Variants in AKR1C1 observed in about 807,000 individuals in gnomAD.
AKR1C1 encodes the protein aldo-keto reductase family 1 member C1.
Under a neutral mutation model 40.6 loss-of-function variants are expected in AKR1C1, and 32 were observed. The ratio of observed to expected loss-of-function variants is 0.79; its 90% confidence interval spans 0.60 to 1.06. The LOEUF (loss-of-function observed/expected upper bound fraction) is 1.06. AKR1C1 is among the 50% of genes least tolerant of loss of function. The probability of loss-of-function intolerance (pLI) is 0.00; values close to 1 mark genes in which losing one functional copy is unlikely to be tolerated. For missense variants in AKR1C1, 320 were observed against 363.5 expected (o/e 0.88, Z 0.97); for synonymous variants, 105 against 134.2 (o/e 0.78, Z 1.50).
rs201114964 is a variant in AKR1C1 at position 4,966,025 on chromosome 10, C to T, written c.196C>T (p.Arg66Ter). Residue 66 changes from arginine (R) to a stop codon, truncating the protein, a stop_gained, in exon 2 of 9, where the codon CGA becomes TGA. Transcript: ENST00000380872. LOFTEE classifies it high-confidence loss of function. ...NNEEQVGLAI[R>*]SKIADGSVKR... ...TGAGGAGCAGGTTGGACTGGCCATCCGAAGCAAGATTGCAGATGGCAGTGT... is the reference window on the plus strand; with the variant it reads ...TGAGGAGCAGGTTGGACTGGCCATCTGAAGCAAGATTGCAGATGGCAGTGT... 1.1e-4 allele frequency: 179 copies of T among 1,614,136 alleles called. No homozygotes were observed. The highest frequency in any genetic ancestry group is 7.4e-4 in the South Asian group (67 of 91,070).
At chr10:4,965,583 C>T (rs1836316234) in intron 1 of AKR1C1, 1 of 180,352 alleles carries the variant, frequency 5.5e-6, no homozygotes, top group Admixed American at 6.0e-5. Flanking sequence ...GTTAATTTTA[C>T]CATACTAAAA....
At position 4,979,711 on chromosome 10, in the gene AKR1C1, T is replaced by A. The variant is rs1212028694; in HGVS notation, c.*1969T>A. On this transcript the variant is annotated 3_prime_UTR_variant, in exon 9 of 9. Coordinates refer to ENST00000380872, the MANE Select transcript of AKR1C1 (RefSeq NM_001353.6). ...TCCAGTTCTTCACCATCCATTTTTA[T>A]AAAACTCTTATTGTTAAAAAAAAAG... The A allele has an allele frequency of 8.5e-5, 13 of 152,304 alleles. No homozygotes were observed. In the East Asian group the frequency reaches 2.5e-3, roughly 29 times the overall value. 9.4% of individuals were successfully genotyped at this position (152,304 alleles called of 1,614,324 possible).
At chr10:4,969,856 T>A in intron 5 of AKR1C1, 1 of 948,104 alleles carries the variant, frequency 1.1e-6, no homozygotes, top group Non-Finnish European at 1.6e-6. Flanking sequence ...AGTGAAGATC[T>A]ACAGTGGAAA....
rs782204084 is a variant in AKR1C1, at chr10:4,972,662, C to A, written c.759C>A (p.Ala253=). The stretch of plus-strand genomic sequence containing the variant: ...CAAAAAAGCACAAGCGAACCCCAGC[C>A]CTGATTGCCCTGCGCTACCAGCTAC... The part of the protein sequence containing the change: ...ALAKKHKRTP[A]LIALRYQLQR... The change falls in exon 7 of 9, where the codon GCC becomes GCA. Residue 253 remains alanine, a synonymous_variant. Coordinates refer to ENST00000380872, the MANE Select transcript of AKR1C1 (RefSeq NM_001353.6). The A allele has an allele frequency of 6.2e-7, 1 of 1,613,038 alleles. No individual in the cohort carries two copies. The highest frequency in any genetic ancestry group is 1.1e-5 in the South Asian group (1 of 91,034).
chr10:4,966,858 T>C (rs1836340722), intron 2 of AKR1C1, 69 bp from the exon 3 acceptor site: 1 of 1,391,840 alleles, frequency 7.2e-7, no homozygotes, highest in Non-Finnish European at 9.9e-7. Flanking sequence ...GTCTAAATAT[T>C]AGGTGGAGCA....
chr10:4,970,002 A>G (rs1158631882), intron 5 of AKR1C1: 4 of 391,464 alleles, frequency 1.0e-5, no homozygotes, highest in Non-Finnish European at 1.9e-5. Context: ...CACACTTTCC[A>G]AAAATTTGAT....
At chr10:4,970,811 G>A (rs1485417268) in intron 5 of AKR1C1, among the ~76,000 whole-genome samples, 1 of 119,844 alleles carries the variant, frequency 8.3e-6, no homozygotes, top group African/African-American at 3.1e-5. Context: ...GGACTGTTGT[G>A]GGGTGGGGGG....
rs563275283 is a variant in AKR1C1, at chr10:4,967,950, G to A, written c.370-359G>A. 594 of 179,224 alleles carry A rather than the reference G, an allele frequency of 3.3e-3. 4 individuals carry two copies. Among genetic ancestry groups the A allele is most frequent in the African/African-American group, 0.014 (568 of 41,518 alleles). The allele number at this position is 179,224 out of a possible 1,614,324, so 11.1% of individuals were successfully genotyped here. On this transcript the variant is annotated intron_variant, in intron 3 of 8. Transcript: ENST00000380872. ...AAAGAACTCTGATAGTGGCACCTGG[G>A]TAAAAAGTACAATCCATTATATCTG...
At position 4,982,929 on chromosome 10, in the gene AKR1C1, C is replaced by T. The variant is rs1554771243; in HGVS notation, c.*5187C>T. The stretch of plus-strand genomic sequence containing the variant: ...GTCGGTCCGCATGACAAGTTCACCG[C>T]TCGCATAACCAGCATTCAAGAAAGC... On this transcript the variant is annotated 3_prime_UTR_variant, in exon 9 of 9. Coordinates refer to ENST00000380872, the MANE Select transcript of AKR1C1 (RefSeq NM_001353.6). 1 of 450,582 alleles carries T rather than the reference C, an allele frequency of 2.2e-6. No homozygotes were observed. 27.9% of individuals were successfully genotyped at this position (450,582 alleles called of 1,614,324 possible).
chr10:4,971,306 G>A (rs1325820657), intron 5 of AKR1C1, among the ~76,000 whole-genome samples: 9 of 151,862 alleles, frequency 5.9e-5, no homozygotes, highest in East Asian at 1.9e-4. Context: ...TCTAAGTGAG[G>A]GTAAAGGTGA....
intron 1 of AKR1C1, chr10:4,965,683 C>A: frequency 2.2e-6 from 1 of 454,904 alleles, no homozygotes. Context: ...GGGACACTTC[C>A]AAACTAGTGG....
chr10:4,974,017 G>A (rs1836484192), intron 7 of AKR1C1, among the ~76,000 whole-genome samples: 2 of 151,408 alleles, frequency 1.3e-5, no homozygotes, highest in Non-Finnish European at 2.9e-5. Flanking sequence ...TAAAATCAGT[G>A]TAGAAATCCA....
rs182129787 is a variant in AKR1C1, at chr10:4,974,231, T to C, written c.846+1482T>C. Among the ~76,000 whole-genome samples the C allele has an allele frequency of 3.4e-3, 509 of 151,938 alleles. 1 individual carries two copies. The highest frequency in any genetic ancestry group is 0.012 in the African/African-American group (482 of 41,520). On this transcript the variant is annotated intron_variant, in intron 7 of 8. Transcript: ENST00000380872. Reference sequence around the variant, plus strand: ...TTATACATATGTGTATGTTCTCTAATTCATCTAGTATATATAGATATATGA... The same window carrying C: ...TTATACATATGTGTATGTTCTCTAACTCATCTAGTATATATAGATATATGA...
intron 6 of AKR1C1, 95 bp downstream of exon 6, chr10:4,972,405 C>T: frequency 1.4e-6 from 2 of 1,465,872 alleles, no homozygotes; most frequent in East Asian, 2.3e-5. Flanking sequence ...TCACAGCTGA[C>T]TTGGGGTGAG....
chr10:4,963,532 AC>A lies in AKR1C1; in HGVS notation c.84+5del, dbSNP rs1374881809. The A allele has an allele frequency of 6.2e-7, 1 of 1,608,244 alleles. No individual in the cohort carries two copies. Among genetic ancestry groups the A allele is most frequent in the African/African-American group, 1.4e-5 (1 of 74,000 alleles). On this transcript the variant is annotated splice_donor_5th_base_variant and intron_variant, in intron 1 of 8. Transcript: ENST00000380872. ...TGGCACCTATGCGCCTGCAGAGGTA[AC>A]AATAATATTTTTAGTGTTGAGAGTT...
In AKR1C1 at chr10:4,981,601, C is replaced by G. The variant is rs1470554486; in HGVS notation, c.*3859C>G. ...GATATATGAAAAAATTTCACATACA[C>G]TCTGAAGAAGTCTCAGGCACAATCC... On this transcript the variant is annotated 3_prime_UTR_variant, in exon 9 of 9. Transcript: ENST00000380872. 6.6e-6 allele frequency: 1 copy of G among 152,216 alleles called. No individual in the cohort carries two copies. Among genetic ancestry groups the G allele is most frequent in the Admixed American group, 6.5e-5 (1 of 15,286 alleles). The allele number at this position is 152,216 out of a possible 1,614,324, so 9.4% of individuals were successfully genotyped here. A position where few individuals can be genotyped will look rare whatever the true frequency, so the allele number is the denominator to read the frequency against.
In AKR1C1 at chr10:4,968,321, G is replaced by A. The variant is rs1405313151; in HGVS notation, c.382G>A (p.Val128Met). The A allele has an allele frequency of 4.5e-6, 7 of 1,556,268 alleles. No homozygotes were observed. The highest frequency in any genetic ancestry group is 6.1e-6 in the Non-Finnish European group (7 of 1,145,226). ...GCTTCTACTTCAGCCAGGTGAGGAA[G>A]TGATCCCAAAAGATGAAAATGGAAA... is the stretch of plus-strand genomic sequence containing the variant. ...FPVSVKPGEE[V>M]IPKDENGKIL... is the part of the protein sequence containing the mutation. Residue 128 changes from valine (V) to methionine (M), a missense_variant, in exon 4 of 9, where the codon GTG (valine) becomes ATG (methionine). Transcript: ENST00000380872.
In AKR1C1 at chr10:4,982,455, C is replaced by T. The variant is rs375042794; in HGVS notation, c.*4713C>T. Reference sequence around the variant, plus strand: ...TTCCCACTCCCTTTTTTGAACTCTTCTGTGCAGCAGAGGCAATTAAACTCT... The same window carrying T: ...TTCCCACTCCCTTTTTTGAACTCTTTTGTGCAGCAGAGGCAATTAAACTCT... On this transcript the variant is annotated 3_prime_UTR_variant, in exon 9 of 9. Transcript: ENST00000380872. 1.3e-5 allele frequency: 2 copies of T among 152,084 alleles called. No homozygotes were observed. The highest frequency in any genetic ancestry group is 1.9e-4 in the East Asian group (1 of 5,142). 9.4% of individuals were successfully genotyped at this position (152,084 alleles called of 1,614,324 possible).
In AKR1C1 at chr10:4,982,613, A is replaced by G. The variant is rs1352649067; in HGVS notation, c.*4871A>G. ...ACCCACTGGTGGTACCCATCCACCC[A>G]TCCTGGTAGCTTAACACAAAGATAC... is the stretch of plus-strand genomic sequence containing the variant. On this transcript the variant is annotated 3_prime_UTR_variant, in exon 9 of 9. Transcript: ENST00000380872. The G allele has an allele frequency of 4.5e-6, 1 of 221,598 alleles. No homozygotes were observed. The highest frequency in any genetic ancestry group is 2.3e-5 in the African/African-American group (1 of 42,700). 13.7% of individuals were successfully genotyped at this position (221,598 alleles called of 1,614,324 possible).
Sources: gnomAD v4.1 joint callset for allele counts (sites outside exome capture counted in the v4.1 genomes callset) on GRCh38, gnomAD v4.1.1 for gene constraint, MANE v1.5 for transcripts, NCBI Gene and HGNC (gene_info 2026-07-23, HGNC 2026-07-21) for gene names.